The following IGSF3 variants were observed in gnomAD, a reference collection of about 807,000 sequenced individuals.
The protein encoded by IGSF3 is immunoglobulin superfamily member 3.
In IGSF3, 23 loss-of-function variants were observed where a neutral mutation model predicts 114.4. That is an observed-to-expected ratio of 0.20 (90% CI 0.14 to 0.28). The LOEUF (loss-of-function observed/expected upper bound fraction) is 0.28, where lower values mean the gene tolerates loss of function less well. Among genes scored for constraint, IGSF3 ranks in the 10% least tolerant of loss-of-function variants. IGSF3 has a pLI of 1.00. For missense variants in IGSF3, 1,172 were observed against 1,591.5 expected (o/e 0.74, Z 4.48); for synonymous variants, 571 against 645.2 (o/e 0.88, Z 1.74).
In IGSF3 at chr1:116,658,025, T is replaced by G. The variant is rs1003482897; in HGVS notation, c.43+8259A>C. ...TAGAATGTCTTTGCTCTGATTATGG[T>G]TTTTTTTTTTTTGAAATGGAGTTTT... On this transcript the variant is annotated intron_variant, in intron 2 of 10. Transcript: ENST00000369486. 6.9e-5 allele frequency among the ~76,000 whole-genome samples: 10 copies of G among 144,774 alleles called. No homozygotes were observed. In the South Asian group the frequency reaches 2.0e-3, roughly 28 times the overall value. 95.0% of individuals were successfully genotyped at this position (144,774 alleles called of 152,430 possible). A position where few individuals can be genotyped will look rare whatever the true frequency, so the allele number is the denominator to read the frequency against.
chr1:116,611,393 C>A (rs796696952), intron 4 of IGSF3, among the ~76,000 whole-genome samples: 1 of 152,196 alleles, frequency 6.6e-6, no homozygotes, highest in African/African-American at 2.4e-5. Flanking sequence ...GGTGCACATA[C>A]GTGCACATGA....
rs1221907800 is a variant in IGSF3 at position 116,615,069 on chromosome 1, G to T, written c.422-894C>A. Among the ~76,000 whole-genome samples, 1 of 152,094 alleles carries T rather than the reference G, an allele frequency of 6.6e-6. No homozygotes were observed. The highest frequency in any genetic ancestry group is 2.4e-5 in the African/African-American group (1 of 41,406). ...GGAGGCGGATCACCTGAGGTCGGGAGTTCGAGACCAGCCTGACCAACATGG... is the reference window on the plus strand; with the variant it reads ...GGAGGCGGATCACCTGAGGTCGGGATTTCGAGACCAGCCTGACCAACATGG... On this transcript the variant is annotated intron_variant, in intron 3 of 10. Transcript: ENST00000369486. This position sits in a 1 kb window ranked among gnomAD's most constrained non-coding sequence, Gnocchi z 4.3.
In IGSF3 at chr1:116,588,580, A is replaced by T; in HGVS notation, c.2440+114T>A. On this transcript the variant is annotated intron_variant, in intron 8 of 10. Transcript: ENST00000369486. The surrounding 1 kb of genome is among the most constrained non-coding windows in gnomAD (Gnocchi z 4.9). ...GGTCCGTGTACCTGCACCCATACTC[A>T]GCATGCACCTTGCAGACAGTCTCTC... is the stretch of plus-strand genomic sequence containing the variant. 1 of 971,124 alleles carries T rather than the reference A, an allele frequency of 1.0e-6. No individual in the cohort carries two copies. The allele number at this position is 971,124 out of a possible 1,614,324, so 60.2% of individuals were successfully genotyped here. A position where few individuals can be genotyped will look rare whatever the true frequency, so the allele number is the denominator to read the frequency against.
rs192308127 is a variant in IGSF3, at chr1:116,662,152, C to G, written c.43+4132G>C. On this transcript the variant is annotated intron_variant, in intron 2 of 10. Coordinates refer to ENST00000369486, the MANE Select transcript of IGSF3 (RefSeq NM_001007237.3). The surrounding 1 kb of genome is among the most constrained non-coding windows in gnomAD (Gnocchi z 4.3). Reference sequence around the variant, plus strand: ...ACGGCGCGATCTCGGCTCACTGCAACCTCTGCCTCCTGGGTTCAAGCGATT... The same window carrying G: ...ACGGCGCGATCTCGGCTCACTGCAAGCTCTGCCTCCTGGGTTCAAGCGATT... Among the ~76,000 whole-genome samples, 5 of 152,098 alleles carry G rather than the reference C, an allele frequency of 3.3e-5. No homozygotes were observed. Among genetic ancestry groups the G allele is most frequent in the Admixed American group, 2.0e-4 (3 of 15,288 alleles).
rs570249685 is a variant in IGSF3 at position 116,662,756 on chromosome 1, C to T, written c.43+3528G>A. 5.9e-5 allele frequency among the ~76,000 whole-genome samples: 9 copies of T among 152,318 alleles called. No homozygotes were observed. Among genetic ancestry groups the T allele is most frequent in the African/African-American group, 2.2e-4 (9 of 41,570 alleles). ...TATTAGGACAGTGGTGTTTGTTCAT[C>T]CATAAATCACAATCCTCATCCCCTT... On this transcript the variant is annotated intron_variant, in intron 2 of 10. Coordinates refer to ENST00000369486, the MANE Select transcript of IGSF3 (RefSeq NM_001007237.3). This position sits in a 1 kb window ranked among gnomAD's most constrained non-coding sequence, Gnocchi z 4.3.
intron 6 of IGSF3, among the ~76,000 whole-genome samples, chr1:116,602,909 A>C (rs1311911474): frequency 1.3e-5 from 2 of 152,234 alleles, no homozygotes; most frequent in Non-Finnish European, 2.9e-5. Flanking sequence ...GGTTTTAGCA[A>C]ATCTCAAGGT....
rs1428157051 is a variant in IGSF3 at position 116,628,323 on chromosome 1, A to G, written c.44-11866T>C. ...TGTGCTCCAAATACTCAGCTTACACATGCCTGTTGCTGCTGCACTCCCCAC... is the reference window on the plus strand; with the variant it reads ...TGTGCTCCAAATACTCAGCTTACACGTGCCTGTTGCTGCTGCACTCCCCAC... On this transcript the variant is annotated intron_variant, in intron 2 of 10. Transcript: ENST00000369486. This position sits in a 1 kb window ranked among gnomAD's most constrained non-coding sequence, Gnocchi z 4.2. Among the ~76,000 whole-genome samples the G allele has an allele frequency of 6.6e-6, 1 of 152,094 alleles. No homozygotes were observed. Among genetic ancestry groups the G allele is most frequent in the Non-Finnish European group, 1.5e-5 (1 of 68,032 alleles).
chr1:116,626,822 T>C (rs1406537821), intron 2 of IGSF3, among the ~76,000 whole-genome samples: 1 of 152,050 alleles, frequency 6.6e-6, no homozygotes, highest in Non-Finnish European at 1.5e-5. Context: ...CTCACTCTCA[T>C]GCGAAAGACA....
At position 116,584,187 on chromosome 1, in the gene IGSF3, C is replaced by G. The variant is rs1383522001; in HGVS notation, c.2848+458G>C. Reference sequence around the variant, plus strand: ...CTCCAGCCTGGGTGACAGAGTGAGACTCCGTTTCAAAAAAAAAAAAGTATT... The same window carrying G: ...CTCCAGCCTGGGTGACAGAGTGAGAGTCCGTTTCAAAAAAAAAAAAGTATT... On this transcript the variant is annotated intron_variant, in intron 9 of 10. Coordinates refer to ENST00000369486, the MANE Select transcript of IGSF3 (RefSeq NM_001007237.3). This position sits in a 1 kb window ranked among gnomAD's most constrained non-coding sequence, Gnocchi z 5.8. Among the ~76,000 whole-genome samples the G allele has an allele frequency of 8.9e-6, 1 of 111,818 alleles. No individual in the cohort carries two copies. Among genetic ancestry groups the G allele is most frequent in the African/African-American group, 6.2e-5 (1 of 16,178 alleles). The allele number at this position is 111,818 out of a possible 152,430, so 73.4% of individuals were successfully genotyped here.
At position 116,602,362 on chromosome 1, in the gene IGSF3, TA is replaced by T. The variant is rs113856068; in HGVS notation, c.1624+1261del. Among the ~76,000 whole-genome samples the T allele has an allele frequency of 3.8e-3, 549 of 145,054 alleles. 1 individual carries two copies. Among genetic ancestry groups the T allele is most frequent in the Middle Eastern group, 0.025 (7 of 282 alleles). ...GACATTCCTAACCTTCCAGGATGGT[TA>T]AAAAAAAAAAAAACACACCAGTACT... is the stretch of plus-strand genomic sequence containing the variant. On this transcript the variant is annotated intron_variant, in intron 6 of 10. Coordinates refer to ENST00000369486, the MANE Select transcript of IGSF3 (RefSeq NM_001007237.3).
rs972519331 is a variant in IGSF3 at position 116,638,862 on chromosome 1, G to A, written c.44-22405C>T. Among the ~76,000 whole-genome samples, 12 of 152,214 alleles carry A rather than the reference G, an allele frequency of 7.9e-5. No homozygotes were observed. Among genetic ancestry groups the A allele is most frequent in the Non-Finnish European group, 1.5e-4 (10 of 68,042 alleles). ...GGGTACCATTCCATCCCCACCTGCA[G>A]ATGAGTATGGCACCCCAAGGTTAAG... On this transcript the variant is annotated intron_variant, in intron 2 of 10. Transcript: ENST00000369486. This position sits in a 1 kb window ranked among gnomAD's most constrained non-coding sequence, Gnocchi z 4.1.
In IGSF3 at chr1:116,665,229, G is replaced by A. The variant is rs779311751; in HGVS notation, c.43+1055C>T. Among the ~76,000 whole-genome samples the A allele has an allele frequency of 3.3e-5, 5 of 152,160 alleles. No individual in the cohort carries two copies. Among genetic ancestry groups the A allele is most frequent in the Non-Finnish European group, 7.3e-5 (5 of 68,038 alleles). On this transcript the variant is annotated intron_variant, in intron 2 of 10. Transcript: ENST00000369486. The surrounding 1 kb of genome is among the most constrained non-coding windows in gnomAD (Gnocchi z 4.0). Reference sequence around the variant, plus strand: ...ACCTGTTACCTACTGCAAGGGTGTAGACAATGCATGGAAGCAATCTCCACT... The same window carrying A: ...ACCTGTTACCTACTGCAAGGGTGTAAACAATGCATGGAAGCAATCTCCACT...
Position 116,603,872 on chromosome 1 carries a change from T to C in IGSF3, c.1376A>G (p.Asn459Ser), listed in dbSNP as rs1557866550. The change falls in exon 6 of 11, where the codon AAT (asparagine) becomes AGT (serine). Residue 459 changes from asparagine to serine, a missense_variant. By Grantham distance (46) the Asn-to-Ser change is conservative. This residue lies in a region of IGSF3 where 736 missense variants were observed against 1,042.0 expected (regional missense o/e 0.71). Transcript: ENST00000369486. The surrounding 1 kb of genome is among the most constrained non-coding windows in gnomAD (Gnocchi z 7.1). ...QLVDRQNRRS[N>S]IMWLDRDGTV... ...GCCATCCCGGTCTAGCCACATGATATTGCTGCGGCGGTTCTGCCTGTCCAC... is the reference window on the plus strand; with the variant it reads ...GCCATCCCGGTCTAGCCACATGATACTGCTGCGGCGGTTCTGCCTGTCCAC... 1 of 1,614,064 alleles carries C rather than the reference T, an allele frequency of 6.2e-7. No homozygotes were observed. The highest frequency in any genetic ancestry group is 2.2e-5 in the East Asian group (1 of 44,882).
rs528245364 is a variant in IGSF3, at chr1:116,655,560, C to G, written c.43+10724G>C. On this transcript the variant is annotated intron_variant, in intron 2 of 10. Coordinates refer to ENST00000369486, the MANE Select transcript of IGSF3 (RefSeq NM_001007237.3). The surrounding 1 kb of genome is among the most constrained non-coding windows in gnomAD (Gnocchi z 4.3). ...CTGCAGGGGTTGAGAAAAAAAAGTT[C>G]TCTTCCTTTGGGTTAAAGTCTTAAA... Among the ~76,000 whole-genome samples, 1 of 152,194 alleles carries G rather than the reference C, an allele frequency of 6.6e-6. No individual in the cohort carries two copies. The highest frequency in any genetic ancestry group is 1.5e-5 in the Non-Finnish European group (1 of 68,036).
In IGSF3 at chr1:116,610,944, G is replaced by A. The variant is rs667830; in HGVS notation, c.833-2613C>T. ...ATGCTGCCACAAATGCAAAAGTCCC[G>A]CATGTCCTCATTATTGTTCCTTCCC... On this transcript the variant is annotated intron_variant, in intron 4 of 10. Coordinates refer to ENST00000369486, the MANE Select transcript of IGSF3 (RefSeq NM_001007237.3). The surrounding 1 kb of genome is among the most constrained non-coding windows in gnomAD (Gnocchi z 4.3). 0.31 allele frequency among the ~76,000 whole-genome samples: 47,739 copies of A among 151,990 alleles called. 8,803 individuals are homozygous for A. The highest frequency in any genetic ancestry group is 0.4 in the Non-Finnish European group (27,294 of 67,934).
intron 2 of IGSF3, among the ~76,000 whole-genome samples, chr1:116,653,666 C>T (rs997161860): frequency 6.6e-6 from 1 of 152,244 alleles, no homozygotes; most frequent in African/African-American, 2.4e-5. Flanking sequence ...TCACCATGGT[C>T]TTTTTCTTCC....
chr1:116,588,076 A>G lies in IGSF3; in HGVS notation c.2440+618T>C, dbSNP rs1253061709. On this transcript the variant is annotated intron_variant, in intron 8 of 10. Coordinates refer to ENST00000369486, the MANE Select transcript of IGSF3 (RefSeq NM_001007237.3). This position sits in a 1 kb window ranked among gnomAD's most constrained non-coding sequence, Gnocchi z 4.9. Reference sequence around the variant, plus strand: ...GGAAAGTGAACTTTTTAACAATCAGAGCTGCCCAAAAATGGAACTGAGGCT... The same window carrying G: ...GGAAAGTGAACTTTTTAACAATCAGGGCTGCCCAAAAATGGAACTGAGGCT... Among the ~76,000 whole-genome samples the G allele has an allele frequency of 6.6e-6, 1 of 152,240 alleles. No homozygotes were observed. Among genetic ancestry groups the G allele is most frequent in the Non-Finnish European group, 1.5e-5 (1 of 68,042 alleles).
At position 116,588,843 on chromosome 1, in the gene IGSF3, A is replaced by G; in HGVS notation, c.2291T>C (p.Leu764Pro). 6.2e-7 allele frequency: 1 copy of G among 1,614,204 alleles called. No individual in the cohort carries two copies. Among genetic ancestry groups the G allele is most frequent in the Non-Finnish European group, 8.5e-7 (1 of 1,180,018 alleles). ...LQFERHVSGG[L>P]FSLTVQRAEV... The stretch of plus-strand genomic sequence containing the variant: ...GGCTCTCTGGACGGTGAGGCTGAAC[A>G]GGCCCCCCGACACATGCCTCTCAAA... The change falls in exon 8 of 11, where the codon CTG becomes CCG. Residue 764 changes from leucine to proline, a missense_variant. Coordinates refer to ENST00000369486, the MANE Select transcript of IGSF3 (RefSeq NM_001007237.3). The surrounding 1 kb of genome is among the most constrained non-coding windows in gnomAD (Gnocchi z 4.9).
Position 116,596,065 on chromosome 1 carries a change from C to A in IGSF3, c.2029+3876G>T, listed in dbSNP as rs1263818264. ...CACAGGGAATGGTCAAATAACAGAT[C>A]CACAAGTCAACTGTGCCATCCAACC... On this transcript the variant is annotated intron_variant, in intron 7 of 10. Transcript: ENST00000369486. This position sits in a 1 kb window ranked among gnomAD's most constrained non-coding sequence, Gnocchi z 4.1. Among the ~76,000 whole-genome samples the A allele has an allele frequency of 6.6e-6, 1 of 152,160 alleles. No individual in the cohort carries two copies. The highest frequency in any genetic ancestry group is 1.5e-5 in the Non-Finnish European group (1 of 68,026).
Sources: gnomAD v4.1 joint callset for allele counts (sites outside exome capture counted in the v4.1 genomes callset) on GRCh38, gnomAD v4.1.1 for gene constraint, gnomAD v4.1.1 regional missense constraint, Gnocchi (gnomAD v3.1) non-coding constraint, MANE v1.5 for transcripts, NCBI Gene and HGNC (gene_info 2026-07-23, HGNC 2026-07-21) for gene names.